Variants in RAB2A observed in about 807,000 individuals in gnomAD.
RAB2A encodes ras-related protein Rab-2A.
Under a neutral mutation model 32.5 loss-of-function variants are expected in RAB2A, and 7 were observed. That is an observed-to-expected ratio of 0.22 (90% confidence interval 0.12 to 0.40). The LOEUF (loss-of-function observed/expected upper bound fraction) is 0.40. RAB2A is among the 10% of genes least tolerant of loss of function. The pLI, the probability that RAB2A is intolerant of heterozygous loss-of-function variation, is 1.00. For synonymous variants in RAB2A, 79 were observed against 85.2 expected (o/e 0.93, Z 0.40); for missense variants, 108 against 260.7 (o/e 0.41, Z 4.03).
chr8:60,535,577 TGTTA>T (rs1437812168), intron 1 of RAB2A, among the ~76,000 whole-genome samples: 2 of 152,248 alleles, frequency 1.3e-5, no homozygotes, highest in African/African-American at 2.4e-5. Flanking sequence ...CTTCTGATTC[TGTTA>T]GTTGAGGTCT....
chr8:60,591,275 C>T (rs546470891), intron 5 of RAB2A, among the ~76,000 whole-genome samples: 102 of 151,760 alleles, frequency 6.7e-4, no homozygotes, highest in East Asian at 3.9e-4. Context: ...TCTCTCACTC[C>T]GTTTCTCCTT....
intron 1 of RAB2A, among the ~76,000 whole-genome samples, chr8:60,530,788 G>C (rs770443166): frequency 2.9e-4 from 44 of 152,174 alleles, no homozygotes; most frequent in African/African-American, 5.5e-4. Flanking sequence ...TCAAGGTGTA[G>C]ATCACAGGCA....
intron 1 of RAB2A, among the ~76,000 whole-genome samples, chr8:60,537,338 CAG>C (rs386726013): frequency 3.9e-5 from 6 of 152,032 alleles, no homozygotes; most frequent in East Asian, 1.9e-4. Context: ...TCTCGTGCCC[CAG>C]CCTCCCAAGT....
intron 6 of RAB2A, among the ~76,000 whole-genome samples, chr8:60,597,209 T>C (rs1804043700): frequency 1.3e-5 from 2 of 152,154 alleles, no homozygotes; most frequent in Non-Finnish European, 2.9e-5. Context: ...CCATCAGTGA[T>C]AGACTGGATA....
At chr8:60,613,061 C>G (rs1482391855) in intron 6 of RAB2A, among the ~76,000 whole-genome samples, 4 of 152,210 alleles carry the variant, frequency 2.6e-5, no homozygotes, top group African/African-American at 4.8e-5. Flanking sequence ...TCACAGGACT[C>G]TCCTATCTTT....
At chr8:60,560,726 T>C (rs1221622657) in intron 2 of RAB2A, among the ~76,000 whole-genome samples, 2 of 143,226 alleles carry the variant, frequency 1.4e-5, no homozygotes, top group African/African-American at 2.6e-5. Context: ...CACTATGAGA[T>C]TTTTTTTGTT....
At chr8:60,580,236 C>G (rs1223402699) in intron 3 of RAB2A, among the ~76,000 whole-genome samples, 1 of 146,514 alleles carries the variant, frequency 6.8e-6, no homozygotes, top group Non-Finnish European at 1.5e-5. Flanking sequence ...ACCTCGTGAT[C>G]TGCCTGTCTC....
chr8:60,616,243 G>A (rs954605714), intron 6 of RAB2A, among the ~76,000 whole-genome samples: 1 of 152,170 alleles, frequency 6.6e-6, no homozygotes, highest in African/African-American at 2.4e-5. Flanking sequence ...TCTTAAGCCT[G>A]TTTTTAAAGT....
intron 5 of RAB2A, among the ~76,000 whole-genome samples, chr8:60,589,318 A>G (rs994505755): frequency 6.6e-6 from 1 of 152,246 alleles, no homozygotes; most frequent in Non-Finnish European, 1.5e-5. Flanking sequence ...TAGGTGGGTG[A>G]CCTTTAAAAT....
At chr8:60,524,220 T>C (rs533998861) in intron 1 of RAB2A, among the ~76,000 whole-genome samples, 1 of 152,316 alleles carries the variant, frequency 6.6e-6, no homozygotes, top group African/African-American at 2.4e-5. Flanking sequence ...CATGAAAGTT[T>C]CTCTTTTATC....
In RAB2A at chr8:60,527,958, T is replaced by G. The variant is rs7015992; in HGVS notation, c.46+10705T>G. ...AAGGGACACTGGTTATCACATACAGTCTTTTTGTATACAGCTAGTAACTGA... is the reference window on the plus strand; with the variant it reads ...AAGGGACACTGGTTATCACATACAGGCTTTTTGTATACAGCTAGTAACTGA... On this transcript the variant is annotated intron_variant, in intron 1 of 7. Transcript: ENST00000262646. Among the ~76,000 whole-genome samples, 1,482 of 152,318 alleles carry G rather than the reference T, an allele frequency of 9.7e-3. 28 individuals are homozygous for G. The highest frequency in any genetic ancestry group is 0.034 in the African/African-American group (1,398 of 41,558).
intron 6 of RAB2A, among the ~76,000 whole-genome samples, chr8:60,614,707 G>A (rs1804420121): frequency 6.6e-6 from 1 of 152,168 alleles, no homozygotes; most frequent in Non-Finnish European, 1.5e-5. Flanking sequence ...CTGAAATTTT[G>A]CCTTAAGTTT....
rs200029928 is a variant in RAB2A at position 60,559,171 on chromosome 8, C to A, written c.118+248C>A. 1.4e-5 allele frequency: 5 copies of A among 356,804 alleles called. No homozygotes were observed. The East Asian group carries it at 1.6e-4, about 11-fold the overall frequency. 22.1% of individuals were successfully genotyped at this position (356,804 alleles called of 1,614,324 possible). A position where few individuals can be genotyped will look rare whatever the true frequency, so the allele number is the denominator to read the frequency against. On this transcript the variant is annotated intron_variant, in intron 2 of 7. Transcript: ENST00000262646. Reference sequence around the variant, plus strand: ...TTTTTAAGATTTCAATTGTAATTAGCGATGAAACAATTTAAGAGACAGTAT... The same window carrying A: ...TTTTTAAGATTTCAATTGTAATTAGAGATGAAACAATTTAAGAGACAGTAT...
chr8:60,571,657 A>G (rs569052682), intron 2 of RAB2A, among the ~76,000 whole-genome samples: 1 of 152,294 alleles, frequency 6.6e-6, no homozygotes, highest in East Asian at 1.9e-4. Flanking sequence ...AAATATATCT[A>G]TCCCTTTTAG....
intron 1 of RAB2A, among the ~76,000 whole-genome samples, chr8:60,526,035 ATATATAT>A (rs1807379550): frequency 8.2e-6 from 1 of 121,434 alleles, no homozygotes; most frequent in Non-Finnish European, 1.7e-5. Flanking sequence ...ATATATATAT[ATATATAT>A]ATATATATAT....
intron 3 of RAB2A, among the ~76,000 whole-genome samples, chr8:60,576,476 T>G (rs1405348250): frequency 6.6e-6 from 1 of 152,230 alleles, no homozygotes; most frequent in African/African-American, 2.4e-5. Flanking sequence ...TTAGTTAAGT[T>G]CATTTATCCA....
chr8:60,543,119 G>C (rs922443379), intron 1 of RAB2A, among the ~76,000 whole-genome samples: 7 of 152,158 alleles, frequency 4.6e-5, no homozygotes, highest in Non-Finnish European at 8.8e-5. Context: ...AACTAACAAC[G>C]TAAGAGTCTT....
At chr8:60,618,527 T>C in intron 6 of RAB2A, 53 bp from the exon 7 acceptor site, 1 of 925,586 alleles carries the variant, frequency 1.1e-6, no homozygotes, top group South Asian at 2.1e-5. Context: ...ATATATAATG[T>C]TATTTTACTG....
chr8:60,552,798 A>AT (rs1807875162), intron 1 of RAB2A: 1 of 152,122 alleles, frequency 6.6e-6, no homozygotes, highest in Admixed American at 6.5e-5. Flanking sequence ...GTATATGCAA[A>AT]TTTTCTCTCT....
Sources: gnomAD v4.1 joint callset for allele counts (sites outside exome capture counted in the v4.1 genomes callset) on GRCh38, gnomAD v4.1.1 for gene constraint, MANE v1.5 for transcripts, NCBI Gene and HGNC (gene_info 2026-07-23, HGNC 2026-07-21) for gene names.